VPS13B: variants seen among roughly 807,000 people sequenced by gnomAD.
The protein encoded by VPS13B is vacuolar protein sorting 13 homolog B, also known as intermembrane lipid transfer protein VPS13B.
Under a neutral mutation model 426.4 loss-of-function variants are expected in VPS13B, and 285 were observed. The observed-to-expected ratio is 0.67, with a 90% confidence interval of 0.61 to 0.74. The LOEUF is 0.74. Ranked by LOEUF, VPS13B falls within the 30% of genes least tolerant of loss-of-function variation. VPS13B has a pLI of 0.00. For missense variants in VPS13B, 4,537 were observed against 4,782.6 expected (o/e 0.95, Z 1.51); for synonymous variants, 1,676 against 1,676.4 (o/e 1.00, Z 0.01).
rs193063693 is a variant in VPS13B, at chr8:99,746,638, G to C, written c.7051-20136G>C. Among the ~76,000 whole-genome samples the C allele has an allele frequency of 7.2e-5, 11 of 152,192 alleles. No individual in the cohort carries two copies. In the East Asian group the frequency reaches 2.1e-3, roughly 29 times the overall value. Reference sequence around the variant, plus strand: ...AAACTGCGAATAGAGAGATTAATCTGTTCAAGATCATGTAGCTAGTAAGTG... The same window carrying C: ...AAACTGCGAATAGAGAGATTAATCTCTTCAAGATCATGTAGCTAGTAAGTG... On this transcript the variant is annotated intron_variant, in intron 39 of 61. Coordinates refer to ENST00000357162, the MANE Select transcript of VPS13B (RefSeq NM_152564.5).
intron 21 of VPS13B, among the ~76,000 whole-genome samples, chr8:99,420,968 A>G (rs1228485814): frequency 6.6e-6 from 1 of 152,174 alleles, no homozygotes; most frequent in Admixed American, 6.5e-5. Context: ...TTTATTCCTT[A>G]TATTTATAGT....
At chr8:99,143,382 G>A (rs1810537814) in intron 13 of VPS13B, among the ~76,000 whole-genome samples, 1 of 152,102 alleles carries the variant, frequency 6.6e-6, no homozygotes. Context: ...TTATTTGCCA[G>A]TATTTGTCAG....
chr8:99,604,117 A>T (rs1827451891), intron 33 of VPS13B, among the ~76,000 whole-genome samples: 1 of 152,206 alleles, frequency 6.6e-6, no homozygotes, highest in Non-Finnish European at 1.5e-5. Flanking sequence ...AAAGAGGTAG[A>T]TTCAGTTACT....
chr8:99,071,007 G>A (rs921222091), intron 3 of VPS13B, among the ~76,000 whole-genome samples: 41 of 151,988 alleles, frequency 2.7e-4, no homozygotes, highest in African/African-American at 9.7e-4. Context: ...CTGTTATCTT[G>A]AAGTTCGTTG....
intron 31 of VPS13B, among the ~76,000 whole-genome samples, chr8:99,572,524 A>G (rs1307047407): frequency 3.3e-5 from 5 of 150,798 alleles, no homozygotes; most frequent in African/African-American, 7.3e-5. Flanking sequence ...TCATTGTTCA[A>G]TTCCCACCTA....
intron 33 of VPS13B, among the ~76,000 whole-genome samples, chr8:99,588,491 G>T (rs1321268782): frequency 6.6e-6 from 1 of 151,338 alleles, no homozygotes; most frequent in Non-Finnish European, 1.5e-5. Context: ...CTTTTATTTT[G>T]CTTAGCAGTG....
At chr8:99,040,588 G>T (rs1178919749) in intron 3 of VPS13B, among the ~76,000 whole-genome samples, 1 of 152,096 alleles carries the variant, frequency 6.6e-6, no homozygotes, top group Non-Finnish European at 1.5e-5. Flanking sequence ...CCTGTTTTAA[G>T]CTTTGATTAG....
At chr8:99,230,278 A>G (rs142381435) in intron 17 of VPS13B, among the ~76,000 whole-genome samples, 31 of 152,280 alleles carry the variant, frequency 2.0e-4, no homozygotes, top group African/African-American at 7.5e-4. Flanking sequence ...TTGAGTCGTT[A>G]AAGTTTAGTC....
At chr8:99,317,381 T>C (rs138825398) in intron 19 of VPS13B, among the ~76,000 whole-genome samples, 2 of 152,312 alleles carry the variant, frequency 1.3e-5, no homozygotes, top group Admixed American at 6.5e-5. Flanking sequence ...GATGACAACA[T>C]TGAAAATCTT....
chr8:99,337,280 G>A (rs145153654), intron 19 of VPS13B, among the ~76,000 whole-genome samples: 6,255 of 148,604 alleles, frequency 0.042, 208 homozygotes, highest in Non-Finnish European at 0.056. Flanking sequence ...ACCAAACACC[G>A]CATATTCTCA....
intron 31 of VPS13B, among the ~76,000 whole-genome samples, chr8:99,574,642 C>T (rs1403394497): frequency 6.6e-6 from 1 of 152,042 alleles, no homozygotes; most frequent in Non-Finnish European, 1.5e-5. Flanking sequence ...AAATATTCTG[C>T]TAAATAACTG....
At chr8:99,687,735 A>C (rs1370539070) in intron 35 of VPS13B, among the ~76,000 whole-genome samples, 1 of 152,080 alleles carries the variant, frequency 6.6e-6, no homozygotes, top group Non-Finnish European at 1.5e-5. Flanking sequence ...TCCACAGTTC[A>C]AGACTGTCTT....
chr8:99,267,461 G>A (rs969455174), intron 17 of VPS13B, among the ~76,000 whole-genome samples: 1 of 152,132 alleles, frequency 6.6e-6, no homozygotes, highest in African/African-American at 2.4e-5. Context: ...TGGACACGAT[G>A]GCTCATGCCT....
At chr8:99,625,499 G>C (rs1204074479) in intron 33 of VPS13B, among the ~76,000 whole-genome samples, 1 of 152,098 alleles carries the variant, frequency 6.6e-6, no homozygotes, top group Non-Finnish European at 1.5e-5. Context: ...GATTACGTGA[G>C]TCCAGGAGTT....
At chr8:99,812,585 C>T (rs1323526601) in intron 44 of VPS13B, among the ~76,000 whole-genome samples, 1 of 152,164 alleles carries the variant, frequency 6.6e-6, no homozygotes, top group Non-Finnish European at 1.5e-5. Flanking sequence ...TTATACCCCT[C>T]TCATTTCCCT....
Position 99,143,076 on chromosome 8 carries a change from G to T in VPS13B, c.1754G>T (p.Arg585Leu). The T allele has an allele frequency of 6.2e-7, 1 of 1,614,046 alleles. No homozygotes were observed. The highest frequency in any genetic ancestry group is 8.5e-7 in the Non-Finnish European group (1 of 1,179,962). ...KSLVIGPLDF[R>L]LDSSAVHRIL... is the part of the protein sequence containing the mutation. ...CTTGTTATAGGTCCTCTTGATTTTC[G>T]TTTGGATAGCAGTGCGGTGCATAGG... The change falls in exon 13 of 62, where the codon CGT becomes CTT. Residue 585 changes from arginine to leucine, a missense_variant. Coordinates refer to ENST00000357162, the MANE Select transcript of VPS13B (RefSeq NM_152564.5).
chr8:99,348,900 C>G (rs939206325), intron 19 of VPS13B, among the ~76,000 whole-genome samples: 2 of 151,864 alleles, frequency 1.3e-5, no homozygotes, highest in African/African-American at 4.8e-5. Context: ...AACATGCTGC[C>G]AATTGCCCAC....
intron 30 of VPS13B, among the ~76,000 whole-genome samples, chr8:99,531,756 A>G (rs949741351): frequency 1.3e-5 from 2 of 152,104 alleles, no homozygotes; most frequent in African/African-American, 4.8e-5. Flanking sequence ...GCAATTGAGA[A>G]ATACTGTGTT....
chr8:99,071,096 T>A (rs1003690029), intron 3 of VPS13B, among the ~76,000 whole-genome samples: 2 of 152,160 alleles, frequency 1.3e-5, no homozygotes, highest in Non-Finnish European at 2.9e-5. Flanking sequence ...CATTGGTGCT[T>A]CATTTGGTTT....
Sources: allele counts gnomAD v4.1 joint callset (sites outside exome capture counted in the v4.1 genomes callset), GRCh38; gene constraint gnomAD v4.1.1; transcripts MANE v1.5; gene names NCBI Gene and HGNC (gene_info 2026-07-23, HGNC 2026-07-21).